PPM1L: variants seen among roughly 807,000 people sequenced by gnomAD.
The protein encoded by PPM1L is protein phosphatase 1L.
A neutral mutation model predicts 31.4 loss-of-function variants in PPM1L; 13 were observed. The ratio of observed to expected loss-of-function variants is 0.41; its 90% CI spans 0.27 to 0.66. The LOEUF (loss-of-function observed/expected upper bound fraction) is 0.66, where lower values mean the gene tolerates loss of function less well. Ranked by LOEUF, PPM1L falls within the 30% of genes least tolerant of loss-of-function variation. PPM1L has a pLI of 0.29. For missense variants in PPM1L, 326 were observed against 453.7 expected, an observed-to-expected ratio of 0.72 and a Z score of 2.56; for synonymous variants, 184 against 175.4, an observed-to-expected ratio of 1.05 and a Z score of -0.39.
At chr3:160,885,013 T>G (rs1280764728) in intron 1 of PPM1L, among the ~76,000 whole-genome samples, 1 of 152,148 alleles carries the variant, frequency 6.6e-6, no homozygotes, top group Non-Finnish European at 1.5e-5. Context: ...CCTGTGGAGC[T>G]TTTTCAAAAG....
intron 2 of PPM1L, among the ~76,000 whole-genome samples, chr3:160,964,651 T>G (rs1156949643): frequency 6.6e-6 from 1 of 151,950 alleles, no homozygotes; most frequent in African/African-American, 2.4e-5. Context: ...AGAGGGGAAG[T>G]TTTTAAAGTG....
chr3:161,067,038 C>G (rs1230453490), intron 3 of PPM1L, among the ~76,000 whole-genome samples: 1 of 152,176 alleles, frequency 6.6e-6, no homozygotes, highest in Non-Finnish European at 1.5e-5. Context: ...GAGCAAAGTT[C>G]TCTGGCTTCC....
chr3:160,853,879 A>G (rs1317467031), intron 1 of PPM1L, among the ~76,000 whole-genome samples: 3 of 152,178 alleles, frequency 2.0e-5, no homozygotes, highest in Non-Finnish European at 2.9e-5. Flanking sequence ...TCACCTTTTT[A>G]TAGTATTTAG....
At chr3:160,963,339 G>T (rs1272781772) in intron 2 of PPM1L, among the ~76,000 whole-genome samples, 1 of 152,046 alleles carries the variant, frequency 6.6e-6, no homozygotes. Flanking sequence ...GTAAGCAATT[G>T]TTGAATGCAC....
chr3:161,032,076 A>C (rs1718583356), intron 2 of PPM1L, among the ~76,000 whole-genome samples: 1 of 152,152 alleles, frequency 6.6e-6, no homozygotes, highest in Admixed American at 6.5e-5. Context: ...GCTTGAACAC[A>C]AGAGACCATT....
chr3:160,769,142 T>TTCTGGGTC (rs1371830847), intron 1 of PPM1L, among the ~76,000 whole-genome samples: 1 of 152,212 alleles, frequency 6.6e-6, no homozygotes, highest in Admixed American at 6.5e-5. Flanking sequence ...TCATAATTCA[T>TTCTGGGTC]TCTGGGTCTG....
At chr3:160,975,127 G>A (rs1439351624) in intron 2 of PPM1L, among the ~76,000 whole-genome samples, 1 of 151,798 alleles carries the variant, frequency 6.6e-6, no homozygotes, top group Admixed American at 6.6e-5. Flanking sequence ...TATTAAATAG[G>A]GAATCCTTTC....
chr3:160,926,489 C>T (rs1241096830), intron 1 of PPM1L, among the ~76,000 whole-genome samples: 2 of 152,204 alleles, frequency 1.3e-5, no homozygotes, highest in East Asian at 1.9e-4. Flanking sequence ...ATAAGGCAGT[C>T]AGCACACCAA....
rs893012441 is a variant in PPM1L at position 161,070,126 on chromosome 3, C to T, written c.*969C>T. 6 of 152,146 alleles carry T rather than the reference C, an allele frequency of 3.9e-5. No individual in the cohort carries two copies. Among genetic ancestry groups the T allele is most frequent in the African/African-American group, 1.4e-4 (6 of 41,416 alleles). 9.4% of individuals were successfully genotyped at this position (152,146 alleles called of 1,614,324 possible). A position where few individuals can be genotyped will look rare whatever the true frequency, so the allele number is the denominator to read the frequency against. On this transcript the variant is annotated 3_prime_UTR_variant, in exon 4 of 4. Coordinates refer to ENST00000498165, the MANE Select transcript of PPM1L (RefSeq NM_139245.4). ...AAGGAGTGAGCTGGTGAGGTTACCA[C>T]CCTGAATTGAGCTCCAGCTGCCAGT...
At chr3:160,874,654 C>T (rs1019128526) in intron 1 of PPM1L, among the ~76,000 whole-genome samples, 1 of 152,160 alleles carries the variant, frequency 6.6e-6, no homozygotes, top group Non-Finnish European at 1.5e-5. Flanking sequence ...GTTCCCCCTG[C>T]TTAAACCTAT....
At chr3:160,838,020 A>G (rs1051666155) in intron 1 of PPM1L, among the ~76,000 whole-genome samples, 1 of 152,202 alleles carries the variant, frequency 6.6e-6, no homozygotes, top group Admixed American at 6.6e-5. Context: ...ATGGGGTAGA[A>G]CTGGAAGAGT....
chr3:160,826,332 T>G (rs947323692), intron 1 of PPM1L, among the ~76,000 whole-genome samples: 1 of 152,126 alleles, frequency 6.6e-6, no homozygotes, highest in Non-Finnish European at 1.5e-5. Flanking sequence ...GCTCAGAATG[T>G]GGTTTGGGGT....
intron 1 of PPM1L, among the ~76,000 whole-genome samples, chr3:160,917,730 A>G (rs1714238768): frequency 6.6e-6 from 1 of 152,160 alleles, no homozygotes; most frequent in Non-Finnish European, 1.5e-5. Context: ...TTTAAAAAAA[A>G]CATGATTTCA....
At chr3:160,926,585 A>G (rs1452588038) in intron 1 of PPM1L, among the ~76,000 whole-genome samples, 4 of 152,198 alleles carry the variant, frequency 2.6e-5, no homozygotes, top group Non-Finnish European at 4.4e-5. Flanking sequence ...CAGGGTAACA[A>G]AAGTGTACAT....
At chr3:160,837,260 C>G (rs1329864582) in intron 1 of PPM1L, among the ~76,000 whole-genome samples, 9 of 152,068 alleles carry the variant, frequency 5.9e-5, no homozygotes, top group Admixed American at 5.9e-4. Flanking sequence ...CTTTGGGAAA[C>G]TTTGCATAAG....
chr3:160,918,243 C>G (rs1714260445), intron 1 of PPM1L, among the ~76,000 whole-genome samples: 1 of 152,196 alleles, frequency 6.6e-6, no homozygotes, highest in Admixed American at 6.5e-5. Context: ...GTCTTATCCA[C>G]TGTTATATAA....
intron 2 of PPM1L, among the ~76,000 whole-genome samples, chr3:160,968,169 T>G (rs1716216670): frequency 6.6e-6 from 1 of 152,192 alleles, no homozygotes; most frequent in African/African-American, 2.4e-5. Context: ...GATTTTGGAA[T>G]AAGAGGTTCT....
At chr3:160,826,588 G>T (rs922761720) in intron 1 of PPM1L, among the ~76,000 whole-genome samples, 1 of 152,040 alleles carries the variant, frequency 6.6e-6, no homozygotes, top group Admixed American at 6.6e-5. Context: ...CTATTATTTT[G>T]TCTGTTAAAG....
intron 2 of PPM1L, among the ~76,000 whole-genome samples, chr3:161,049,097 G>C (rs1719181841): frequency 6.6e-6 from 1 of 150,828 alleles, no homozygotes; most frequent in Admixed American, 6.6e-5. Context: ...AAAAACCACG[G>C]TGAGACATCA....
Sources: gnomAD v4.1 joint callset for allele counts (sites outside exome capture counted in the v4.1 genomes callset) on GRCh38, gnomAD v4.1.1 for gene constraint, MANE v1.5 for transcripts, NCBI Gene and HGNC (gene_info 2026-07-23, HGNC 2026-07-21) for gene names.